The following PTPRO variants were observed in gnomAD, a reference collection of about 807,000 sequenced individuals.
PTPRO encodes the protein receptor-type tyrosine-protein phosphatase O.
PTPRO carries 62 observed loss-of-function variants against 145.2 expected under a neutral mutation model. That is an observed-to-expected ratio of 0.43 (90% CI 0.35 to 0.53). The LOEUF (loss-of-function observed/expected upper bound fraction) is 0.53. PTPRO is among the 20% of genes least tolerant of loss of function. PTPRO has a pLI of 0.01. For synonymous variants in PTPRO, 565 were observed against 514.7 expected (o/e 1.10, Z -1.32); for missense variants, 1,345 against 1,482.7 (o/e 0.91, Z 1.53).
chr12:15,423,533 AT>A (rs1421048713), intron 1 of PTPRO, among the ~76,000 whole-genome samples: 1 of 152,178 alleles, frequency 6.6e-6, no homozygotes, highest in Non-Finnish European at 1.5e-5. Context: ...GCACTTACAT[AT>A]TTTGTGATAA....
chr12:15,353,259 T>C (rs1937871253), intron 1 of PTPRO, among the ~76,000 whole-genome samples: 1 of 152,100 alleles, frequency 6.6e-6, no homozygotes, highest in Non-Finnish European at 1.5e-5. Flanking sequence ...TTCAAAAAGT[T>C]CAAGGACAAA....
intron 1 of PTPRO, among the ~76,000 whole-genome samples, chr12:15,340,717 G>A (rs1016620792): frequency 1.3e-5 from 2 of 152,104 alleles, no homozygotes; most frequent in South Asian, 2.1e-4. Context: ...TATGGTCAAC[G>A]TTAGAAGCAC....
intron 7 of PTPRO, among the ~76,000 whole-genome samples, chr12:15,509,949 C>T (rs1386716572): frequency 1.3e-5 from 2 of 152,018 alleles, no homozygotes; most frequent in African/African-American, 4.8e-5. Flanking sequence ...GGGGCCCAGT[C>T]CTATATTTCT....
At chr12:15,402,708 A>C (rs1939532268) in intron 1 of PTPRO, among the ~76,000 whole-genome samples, 1 of 152,074 alleles carries the variant, frequency 6.6e-6, no homozygotes, top group African/African-American at 2.4e-5. Context: ...ATTTGCCTTT[A>C]TGTTTGTTAT....
At chr12:15,552,026 A>G (rs1224533812) in intron 15 of PTPRO, among the ~76,000 whole-genome samples, 3 of 122,124 alleles carry the variant, frequency 2.5e-5, no homozygotes, top group Non-Finnish European at 4.8e-5. Context: ...GAAAAAAGTT[A>G]ATAAAAATGG....
chr12:15,528,663 C>T (rs900919217), intron 12 of PTPRO, among the ~76,000 whole-genome samples: 7 of 151,606 alleles, frequency 4.6e-5, no homozygotes, highest in African/African-American at 1.7e-4. Context: ...TACAAATAGC[C>T]AGGTTCATGA....
At chr12:15,575,072 G>A (rs11056567) in intron 19 of PTPRO, among the ~76,000 whole-genome samples, 33,108 of 152,110 alleles carry the variant, frequency 0.22, 3,765 homozygotes, top group Middle Eastern at 0.27. Flanking sequence ...TGAGGACTTC[G>A]TGGTAGGATT....
intron 10 of PTPRO, among the ~76,000 whole-genome samples, chr12:15,521,246 G>C (rs1942714334): frequency 6.6e-6 from 1 of 151,718 alleles, no homozygotes; most frequent in African/African-American, 2.4e-5. Context: ...AAAGTGGAAA[G>C]AAATCAATCA....
chr12:15,515,112 G>C (rs1942549073), intron 7 of PTPRO, among the ~76,000 whole-genome samples: 3 of 152,150 alleles, frequency 2.0e-5, no homozygotes, highest in African/African-American at 7.2e-5. Context: ...TAAGTGACAA[G>C]AGACTAAAGA....
At position 15,585,390 on chromosome 12, in the gene PTPRO, G is replaced by A. The variant is rs374858887; in HGVS notation, c.3256-1507G>A. On this transcript the variant is annotated intron_variant, in intron 23 of 26. Coordinates refer to ENST00000281171, the MANE Select transcript of PTPRO (RefSeq NM_030667.3). ...GAAGAGAGCAGTGAGGGTAGCCAGC[G>A]TCTTTGTAGACTTCATGTTCTGTGT... Among the ~76,000 whole-genome samples, 11 of 152,240 alleles carry A rather than the reference G, an allele frequency of 7.2e-5. No individual in the cohort carries two copies. In the South Asian group the frequency reaches 1.7e-3, roughly 23 times the overall value.
At chr12:15,419,118 AG>A (rs1488171117) in intron 1 of PTPRO, among the ~76,000 whole-genome samples, 1 of 151,668 alleles carries the variant, frequency 6.6e-6, no homozygotes, top group Non-Finnish European at 1.5e-5. Flanking sequence ...GTGAACTCGA[AG>A]CATACAGTGA....
intron 15 of PTPRO, among the ~76,000 whole-genome samples, chr12:15,554,620 T>C (rs1360050497): frequency 6.6e-6 from 1 of 152,080 alleles, no homozygotes; most frequent in African/African-American, 2.4e-5. Context: ...GAGAAAGATG[T>C]AGGCTGGGAG....
intron 7 of PTPRO, 84 bp from the exon 8 acceptor site, chr12:15,515,414 G>T (rs1942555935): frequency 1.9e-6 from 3 of 1,548,684 alleles, no homozygotes; most frequent in East Asian, 2.3e-5. Context: ...ATTCCAAAAA[G>T]AGTCTCTGAA....
intron 25 of PTPRO, among the ~76,000 whole-genome samples, chr12:15,593,760 A>G (rs1944600615): frequency 6.6e-6 from 1 of 152,130 alleles, no homozygotes; most frequent in Non-Finnish European, 1.5e-5. Flanking sequence ...TATTAATTCT[A>G]CCTCCACAAA....
chr12:15,358,655 G>C (rs528032064), intron 1 of PTPRO, among the ~76,000 whole-genome samples: 2 of 152,184 alleles, frequency 1.3e-5, no homozygotes, highest in Non-Finnish European at 2.9e-5. Flanking sequence ...AGATCTCACA[G>C]TAGCTTAAGC....
At chr12:15,566,606 T>C (rs1943904516) in intron 18 of PTPRO, among the ~76,000 whole-genome samples, 2 of 152,126 alleles carry the variant, frequency 1.3e-5, no homozygotes, top group South Asian at 2.1e-4. Flanking sequence ...CTGCAACCTC[T>C]GTCTCCCAGG....
At chr12:15,427,435 C>T (rs116784483) in intron 1 of PTPRO, among the ~76,000 whole-genome samples, 3,393 of 151,760 alleles carry the variant, frequency 0.022, 143 homozygotes, top group African/African-American at 0.077. Flanking sequence ...TTAATGTTTG[C>T]ATGTCTGTCT....
At chr12:15,376,832 C>G (rs538488680) in intron 1 of PTPRO, among the ~76,000 whole-genome samples, 4 of 152,182 alleles carry the variant, frequency 2.6e-5, no homozygotes, top group East Asian at 3.9e-4. Flanking sequence ...TCCCAAAAGC[C>G]CCACACCCTA....
intron 1 of PTPRO, among the ~76,000 whole-genome samples, chr12:15,463,466 T>A (rs2136401173): frequency 6.6e-6 from 1 of 152,210 alleles, no homozygotes; most frequent in Non-Finnish European, 1.5e-5. Context: ...TATAACATAG[T>A]CATAGAAGAA....
Sources: allele counts gnomAD v4.1 joint callset (sites outside exome capture counted in the v4.1 genomes callset), GRCh38; gene constraint gnomAD v4.1.1; transcripts MANE v1.5; gene names NCBI Gene and HGNC (gene_info 2026-07-23, HGNC 2026-07-21).